ASB3: variants seen among roughly 807,000 people sequenced by gnomAD.
The protein encoded by ASB3 is ankyrin repeat and SOCS box protein 3.
A neutral mutation model predicts 54.5 loss-of-function variants in ASB3; 41 were observed. The ratio of observed to expected loss-of-function variants is 0.75; its 90% CI spans 0.59 to 0.98. The LOEUF is 0.98. ASB3 is among the 50% of genes least tolerant of loss of function. ASB3 has a pLI of 0.00. For synonymous variants in ASB3, 266 were observed against 221.2 expected (o/e 1.20, Z -1.80); for missense variants, 733 against 620.0 (o/e 1.18, Z -1.94).
At chr2:53,732,638 TTA>T (rs1671384693) in intron 3 of ASB3, among the ~76,000 whole-genome samples, 1 of 152,240 alleles carries the variant, frequency 6.6e-6, no homozygotes, top group South Asian at 2.1e-4. Flanking sequence ...ATGATGCAAG[TTA>T]TGTTTTCACT....
intron 8 of ASB3, among the ~76,000 whole-genome samples, chr2:53,698,195 C>G (rs368334431): frequency 6.6e-6 from 1 of 152,124 alleles, no homozygotes; most frequent in Admixed American, 6.5e-5. Flanking sequence ...TAGTACCACC[C>G]CACAAACCCT....
Position 53,730,117 on chromosome 2 carries a change from A to T in ASB3, c.356-547T>A, listed in dbSNP as rs151201919. On this transcript the variant is annotated intron_variant, in intron 3 of 9. Coordinates refer to ENST00000263634, the MANE Select transcript of ASB3 (RefSeq NM_016115.5). ...CTTATGTGAACTAAAAGCGGATTCC[A>T]GAAAAAATAAAAAATGTTGTTAAAG... Among the ~76,000 whole-genome samples, 148 of 152,360 alleles carry T rather than the reference A, an allele frequency of 9.7e-4. 1 individual carries two copies. The highest frequency in any genetic ancestry group is 3.5e-3 in the African/African-American group (145 of 41,590).
At chr2:53,743,271 C>T (rs1672036369) in intron 3 of ASB3, among the ~76,000 whole-genome samples, 1 of 150,150 alleles carries the variant, frequency 6.7e-6, no homozygotes, top group South Asian at 2.1e-4. Flanking sequence ...TCCCAAAGTG[C>T]TGGGAATACA....
chr2:53,689,511 T>G (rs1668799791), intron 9 of ASB3, among the ~76,000 whole-genome samples: 1 of 152,232 alleles, frequency 6.6e-6, no homozygotes, highest in African/African-American at 2.4e-5. Context: ...AGTTCATTAT[T>G]ATCAGAAAGG....
intron 8 of ASB3, chr2:53,694,320 T>A: frequency 4.1e-6 from 1 of 245,722 alleles, no homozygotes; most frequent in Non-Finnish European, 7.8e-6. Flanking sequence ...GATTTGCCAT[T>A]ATTTCCTCCC....
chr2:53,742,098 C>T (rs541550647), intron 3 of ASB3, among the ~76,000 whole-genome samples: 2 of 152,308 alleles, frequency 1.3e-5, no homozygotes, highest in South Asian at 2.1e-4. Context: ...ATCCGAAAAT[C>T]AGAGGGACTG....
intron 1 of ASB3, chr2:53,768,015 C>T (rs749833800): frequency 1.2e-6 from 2 of 1,613,424 alleles, no homozygotes; most frequent in Non-Finnish European, 8.5e-7. Flanking sequence ...GCGGGGTCCC[C>T]GGCAAGGTGA....
chr2:53,784,666 G>T (rs1386684193), intron 1 of ASB3, among the ~76,000 whole-genome samples: 6 of 152,056 alleles, frequency 3.9e-5, no homozygotes, highest in Non-Finnish European at 7.4e-5. Flanking sequence ...CTCCTTCCTG[G>T]CATGGCATTC....
intron 1 of ASB3, among the ~76,000 whole-genome samples, chr2:53,780,598 G>C (rs1185613961): frequency 1.3e-5 from 2 of 152,136 alleles, no homozygotes; most frequent in Non-Finnish European, 2.9e-5. Flanking sequence ...GGGCAATATA[G>C]TGAGACCATG....
At chr2:53,706,379 C>G (rs1669771408) in intron 7 of ASB3, among the ~76,000 whole-genome samples, 1 of 152,022 alleles carries the variant, frequency 6.6e-6, no homozygotes, top group Non-Finnish European at 1.5e-5. Context: ...AGCTTACATT[C>G]TAATGAAGAA....
intron 7 of ASB3, among the ~76,000 whole-genome samples, chr2:53,707,286 C>A (rs753526655): frequency 2.1e-4 from 32 of 152,196 alleles, no homozygotes; most frequent in Non-Finnish European, 4.7e-4. Flanking sequence ...GCTCTAGACT[C>A]TTGCTACTTA....
chr2:53,681,191 T>C (rs546370251), intron 9 of ASB3, among the ~76,000 whole-genome samples: 1 of 152,200 alleles, frequency 6.6e-6, no homozygotes, highest in African/African-American at 2.4e-5. Flanking sequence ...CAATAAACAT[T>C]TTCTCTTCAA....
chr2:53,782,868 C>T (rs952887233), intron 1 of ASB3, among the ~76,000 whole-genome samples: 2 of 152,030 alleles, frequency 1.3e-5, no homozygotes, highest in Non-Finnish European at 2.9e-5. Context: ...CTCACTGCAA[C>T]CTCCGCCTCC....
In ASB3 at chr2:53,729,518, T is replaced by C. The variant is rs565548762; in HGVS notation, c.408A>G (p.Ala136=). 6 of 1,613,834 alleles carry C rather than the reference T, an allele frequency of 3.7e-6. No homozygotes were observed. Among genetic ancestry groups the C allele is most frequent in the African/African-American group, 1.3e-5 (1 of 74,916 alleles). ...ACATAGAATGGGATCCATTAACATT[T>C]GCTCCGTGTTGAAGCAACAGCCTTA... ...DVLRLLLQHG[A]NVNGSHSMCG... The change falls in exon 4 of 10, where the codon GCA becomes GCG. Residue 136 remains alanine (A), a synonymous_variant. Transcript: ENST00000263634.
At chr2:53,751,577 A>T (rs1285438257) in intron 2 of ASB3, among the ~76,000 whole-genome samples, 1 of 152,190 alleles carries the variant, frequency 6.6e-6, no homozygotes, top group Non-Finnish European at 1.5e-5. Flanking sequence ...TATACAAATG[A>T]TATTTACACA....
intron 5 of ASB3, among the ~76,000 whole-genome samples, chr2:53,719,171 C>A (rs1401868363): frequency 1.3e-5 from 2 of 152,158 alleles, no homozygotes; most frequent in African/African-American, 2.4e-5. Context: ...GATCCACCCA[C>A]CTCGGCCTCC....
chr2:53,725,488 T>C (rs1670944870), intron 5 of ASB3, among the ~76,000 whole-genome samples: 1 of 152,208 alleles, frequency 6.6e-6, no homozygotes, highest in African/African-American at 2.4e-5. Context: ...CTAATTAAAT[T>C]ATATATACGC....
intron 3 of ASB3, among the ~76,000 whole-genome samples, chr2:53,733,820 A>G (rs1168678807): frequency 6.6e-6 from 1 of 152,214 alleles, no homozygotes; most frequent in Non-Finnish European, 1.5e-5. Context: ...GGGGTCTCAC[A>G]GCCTTTGGAG....
intron 3 of ASB3, among the ~76,000 whole-genome samples, chr2:53,733,222 G>A (rs1280632014): frequency 6.6e-6 from 1 of 152,200 alleles, no homozygotes; most frequent in African/African-American, 2.4e-5. Flanking sequence ...GAGCTATCTA[G>A]ATGTAGAGAG....
Sources: allele counts gnomAD v4.1 joint callset (sites outside exome capture counted in the v4.1 genomes callset), GRCh38; gene constraint gnomAD v4.1.1; transcripts MANE v1.5; gene names NCBI Gene and HGNC (gene_info 2026-07-23, HGNC 2026-07-21).